The following DAB2IP variants were observed in gnomAD, a reference collection of about 807,000 sequenced individuals.
The protein encoded by DAB2IP is DAB2 interacting protein.
In DAB2IP, 28 loss-of-function variants were observed where a neutral mutation model predicts 107.2. The observed-to-expected ratio is 0.26, with a 90% CI of 0.19 to 0.36. DAB2IP has a LOEUF of 0.36. Among genes scored for constraint, DAB2IP ranks in the 10% least tolerant of loss-of-function variants. The pLI, the probability that DAB2IP is intolerant of heterozygous loss-of-function variation, is 1.00. For synonymous variants in DAB2IP, 755 were observed against 706.4 expected, an observed-to-expected ratio of 1.07 and a Z score of -1.09; for missense variants, 1,400 against 1,644.7, an observed-to-expected ratio of 0.85 and a Z score of 2.57.
chr9:121,668,165 C>T (rs138400861), intron 1 of DAB2IP, among the ~76,000 whole-genome samples: 2 of 151,770 alleles, frequency 1.3e-5, no homozygotes, highest in East Asian at 3.9e-4. Context: ...GAACACAGAG[C>T]CAAACCATAT....
chr9:121,759,788 C>A, intron 5 of DAB2IP, 97 bp from the exon 6 acceptor site: 1 of 1,146,854 alleles, frequency 8.7e-7, no homozygotes, highest in Non-Finnish European at 1.2e-6. Context: ...ACCTTCAGAG[C>A]TCCTCCTGGG....
At chr9:121,696,641 T>C (rs1026761481) in intron 2 of DAB2IP, among the ~76,000 whole-genome samples, 2 of 152,206 alleles carry the variant, frequency 1.3e-5, no homozygotes, top group Non-Finnish European at 2.9e-5. Context: ...GAGTCCACGG[T>C]CCTTGATTAA....
chr9:121,754,024 G>A (rs1227975413), intron 3 of DAB2IP, among the ~76,000 whole-genome samples: 1 of 152,214 alleles, frequency 6.6e-6, no homozygotes, highest in East Asian at 1.9e-4. Context: ...TTGGGTGACT[G>A]ATGGAGCAAG....
intron 10 of DAB2IP, 52 bp downstream of exon 10, chr9:121,768,685 T>C (rs1474359507): frequency 1.2e-6 from 2 of 1,603,494 alleles, no homozygotes; most frequent in Admixed American, 1.7e-5. Context: ...ATCAGGCTTT[T>C]AGTGTTCCCC....
intron 1 of DAB2IP, among the ~76,000 whole-genome samples, chr9:121,641,956 TTCTTTC>T (rs1415987501): frequency 0.022 from 2,357 of 108,760 alleles, 104 homozygotes; most frequent in African/African-American, 0.053. Context: ...TTTCCTTTCT[TTCTTTC>T]TCTCTCTCTC....
intron 1 of DAB2IP, among the ~76,000 whole-genome samples, chr9:121,582,631 C>T (rs1036244967): frequency 1.3e-5 from 2 of 152,118 alleles, no homozygotes; most frequent in Admixed American, 6.5e-5. Flanking sequence ...TACCTCGTCC[C>T]ACTCCTGATA....
intron 1 of DAB2IP, among the ~76,000 whole-genome samples, chr9:121,584,410 CA>C (rs911897851): frequency 0.02 from 2,695 of 136,660 alleles, 92 homozygotes; most frequent in African/African-American, 0.064. Context: ...CCTGTCTCTA[CA>C]AAAAAAAAAA....
chr9:121,671,432 C>G (rs549201854), intron 1 of DAB2IP, among the ~76,000 whole-genome samples: 7 of 152,358 alleles, frequency 4.6e-5, no homozygotes, highest in African/African-American at 1.7e-4. Context: ...TCAACCACAT[C>G]TGCCAAGTTC....
At chr9:121,695,160 A>G (rs995878936) in intron 2 of DAB2IP, among the ~76,000 whole-genome samples, 1 of 151,780 alleles carries the variant, frequency 6.6e-6, no homozygotes, top group Non-Finnish European at 1.5e-5. Context: ...TGTTTAAGAG[A>G]GTTCAAAACT....
chr9:121,628,345 G>A (rs1431688851), intron 1 of DAB2IP, among the ~76,000 whole-genome samples: 1 of 152,246 alleles, frequency 6.6e-6, no homozygotes, highest in Non-Finnish European at 1.5e-5. Context: ...CTGCCCAGGT[G>A]TGAACAGACT....
chr9:121,660,003 C>T (rs559920713), intron 1 of DAB2IP, among the ~76,000 whole-genome samples: 103 of 151,948 alleles, frequency 6.8e-4, no homozygotes, highest in African/African-American at 2.3e-3. Context: ...CCCCCGCCCT[C>T]GGGAGCTCAG....
chr9:121,612,767 G>T (rs371610710), intron 1 of DAB2IP, among the ~76,000 whole-genome samples: 1 of 152,150 alleles, frequency 6.6e-6, no homozygotes, highest in Non-Finnish European at 1.5e-5. Flanking sequence ...CGTGTTGGTG[G>T]GGGGAGGTAA....
At chr9:121,707,080 C>T (rs1283640500) in intron 3 of DAB2IP, among the ~76,000 whole-genome samples, 2 of 152,184 alleles carry the variant, frequency 1.3e-5, no homozygotes, top group African/African-American at 2.4e-5. Flanking sequence ...AGGAGGCCTG[C>T]GTTCTGCAGA....
At chr9:121,629,223 C>T (rs969372807) in intron 1 of DAB2IP, among the ~76,000 whole-genome samples, 1 of 152,224 alleles carries the variant, frequency 6.6e-6, no homozygotes, top group Non-Finnish European at 1.5e-5. Context: ...AAAGCAGTCC[C>T]TCAGGGACAT....
intron 3 of DAB2IP, among the ~76,000 whole-genome samples, chr9:121,748,223 C>T (rs1247681058): frequency 1.3e-5 from 2 of 152,178 alleles, no homozygotes; most frequent in Non-Finnish European, 1.5e-5. Flanking sequence ...GGAGGAAACT[C>T]GTTCAGGGTC....
rs548834772 is a variant in DAB2IP at position 121,782,257 on chromosome 9, G to A, written c.3403-74G>A. 108 of 1,538,380 alleles carry A rather than the reference G, an allele frequency of 7.0e-5. No homozygotes were observed. The highest frequency in any genetic ancestry group is 3.2e-4 in the East Asian group (14 of 43,446). ...TCATCTCCAGGCCACCCCCTTCCCC[G>A]ATGCTTGTCGTAGGTATACACAGCC... On this transcript the variant is annotated intron_variant, in intron 15 of 15. Transcript: ENST00000408936. This position sits in a 1 kb window ranked among gnomAD's most constrained non-coding sequence, Gnocchi z 6.1.
chr9:121,723,359 G>A (rs1478029082), intron 3 of DAB2IP, among the ~76,000 whole-genome samples: 1 of 152,242 alleles, frequency 6.6e-6, no homozygotes, highest in Non-Finnish European at 1.5e-5. Flanking sequence ...TGGCCCTGGG[G>A]ACAGAGACAG....
chr9:121,625,898 T>C (rs892558167), intron 1 of DAB2IP, among the ~76,000 whole-genome samples: 6 of 152,208 alleles, frequency 3.9e-5, no homozygotes, highest in African/African-American at 1.2e-4. Context: ...CACATTCCAA[T>C]AGGACAGTGT....
At chr9:121,759,758 A>T in intron 5 of DAB2IP, 127 bp from the exon 6 acceptor site, 2 of 788,120 alleles carry the variant, frequency 2.5e-6, no homozygotes, top group Non-Finnish European at 4.0e-6. Flanking sequence ...CTTAGGGCCT[A>T]GGCGCCCGCT....
Sources: gnomAD v4.1 joint callset for allele counts (sites outside exome capture counted in the v4.1 genomes callset) on GRCh38, gnomAD v4.1.1 for gene constraint, Gnocchi (gnomAD v3.1) non-coding constraint, MANE v1.5 for transcripts, NCBI Gene and HGNC (gene_info 2026-07-23, HGNC 2026-07-21) for gene names.